GPC5: variants seen among roughly 807,000 people sequenced by gnomAD.
GPC5 encodes the protein glypican-5.
Under a neutral mutation model 53.9 loss-of-function variants are expected in GPC5, and 47 were observed. That is an observed-to-expected ratio of 0.87 (90% confidence interval 0.69 to 1.11). GPC5 has a LOEUF of 1.11. GPC5 is among the 50% of genes most tolerant of loss of function. GPC5 has a pLI of 0.00. For synonymous variants in GPC5, 286 were observed against 263.3 expected (o/e 1.09, Z -0.84); for missense variants, 748 against 713.1 (o/e 1.05, Z -0.56).
At chr13:92,618,715 T>C (rs1194507368) in intron 7 of GPC5, among the ~76,000 whole-genome samples, 2 of 145,612 alleles carry the variant, frequency 1.4e-5, no homozygotes, top group African/African-American at 5.0e-5. Flanking sequence ...GCACTGTGAC[T>C]AAATGAAGTT....
intron 7 of GPC5, among the ~76,000 whole-genome samples, chr13:92,569,591 A>G (rs1882960579): frequency 6.6e-6 from 1 of 152,124 alleles, no homozygotes; most frequent in Non-Finnish European, 1.5e-5. Context: ...ATAGCAAAGG[A>G]TGTCATCAAA....
chr13:92,604,162 C>T (rs2139085382), intron 7 of GPC5, among the ~76,000 whole-genome samples: 1 of 152,172 alleles, frequency 6.6e-6, no homozygotes, highest in Non-Finnish European at 1.5e-5. Flanking sequence ...CAATGTAAAT[C>T]AGTAACAAAA....
intron 1 of GPC5, among the ~76,000 whole-genome samples, chr13:91,404,134 T>A (rs556519487): frequency 6.6e-6 from 1 of 152,340 alleles, no homozygotes; most frequent in South Asian, 2.1e-4. Flanking sequence ...ATTTTTGGTG[T>A]GTACATGTAT....
At chr13:92,664,861 A>G (rs1186931389) in intron 7 of GPC5, among the ~76,000 whole-genome samples, 1 of 152,180 alleles carries the variant, frequency 6.6e-6, no homozygotes, top group Non-Finnish European at 1.5e-5. Context: ...GACTAGATAT[A>G]AAAATACTTA....
intron 7 of GPC5, among the ~76,000 whole-genome samples, chr13:92,469,806 A>G (rs1174488798): frequency 6.6e-6 from 1 of 152,164 alleles, no homozygotes; most frequent in Non-Finnish European, 1.5e-5. Flanking sequence ...CAATAAAAGT[A>G]GGGGTTCCCA....
intron 7 of GPC5, among the ~76,000 whole-genome samples, chr13:92,709,069 C>T (rs1888047243): frequency 6.7e-6 from 1 of 150,184 alleles, no homozygotes; most frequent in Admixed American, 6.7e-5. Context: ...GTTGTTGAGA[C>T]AGTGTTTCGC....
chr13:92,708,044 G>T (rs570495301), intron 7 of GPC5, among the ~76,000 whole-genome samples: 1 of 152,068 alleles, frequency 6.6e-6, no homozygotes, highest in African/African-American at 2.4e-5. Flanking sequence ...TCCAAAGATG[G>T]AATGAAGGCA....
At chr13:92,652,845 G>A (rs1886000992) in intron 7 of GPC5, among the ~76,000 whole-genome samples, 1 of 152,080 alleles carries the variant, frequency 6.6e-6, no homozygotes, top group African/African-American at 2.4e-5. Context: ...CCCTAAAAGA[G>A]TCTCAGTGTG....
At chr13:91,722,464 T>C (rs9560844) in intron 3 of GPC5, among the ~76,000 whole-genome samples, 33,319 of 152,144 alleles carry the variant, frequency 0.22, 3,683 homozygotes, top group East Asian at 0.34. Flanking sequence ...TTAATAATTA[T>C]GAATAGGAAT....
chr13:92,054,060 TA>T (rs2041053669), intron 6 of GPC5, among the ~76,000 whole-genome samples: 1 of 150,226 alleles, frequency 6.7e-6, no homozygotes. Flanking sequence ...AATAAATAAA[TA>T]AATAAATAAA....
At chr13:91,728,427 G>C (rs2036621077) in intron 3 of GPC5, 105 bp from the exon 4 acceptor site, 3 of 1,010,924 alleles carry the variant, frequency 3.0e-6, no homozygotes, top group Non-Finnish European at 4.3e-6. Context: ...TTAATATTGA[G>C]GTGAAAGCAA....
At chr13:91,983,414 G>A (rs897459296) in intron 6 of GPC5, among the ~76,000 whole-genome samples, 4 of 152,000 alleles carry the variant, frequency 2.6e-5, no homozygotes, top group South Asian at 2.1e-4. Context: ...TGTGGCAAGA[G>A]CTTCCTGGTC....
At position 91,693,498 on chromosome 13, in the gene GPC5, G is replaced by T; in HGVS notation, c.637G>T (p.Gly213Ter). The T allele has an allele frequency of 1.2e-6, 2 of 1,614,096 alleles. No individual in the cohort carries two copies. The highest frequency in any genetic ancestry group is 1.7e-6 in the Non-Finnish European group (2 of 1,180,018). ...PFGNIPQRVM[G>*]QMGRSLLPSR... ...TGGTAATATTCCCCAAAGAGTAATG[G>T]GACAGATGGGGAGGTCCCTGCTGCC... Residue 213 changes from glycine to a stop codon, truncating the protein, a stop_gained, in exon 3 of 8, where the codon GGA (glycine) becomes TGA (stop). Coordinates refer to ENST00000377067, the MANE Select transcript of GPC5 (RefSeq NM_004466.6). LOFTEE classifies it high-confidence loss of function.
At chr13:92,039,930 G>A (rs1003095981) in intron 6 of GPC5, among the ~76,000 whole-genome samples, 3 of 152,112 alleles carry the variant, frequency 2.0e-5, no homozygotes, top group Non-Finnish European at 4.4e-5. Flanking sequence ...CAACACGTGA[G>A]TTTTGAGGAA....
At position 92,555,080 on chromosome 13, in the gene GPC5, A is replaced by G. The variant is rs183478307; in HGVS notation, c.1562-311202A>G. Reference sequence around the variant, plus strand: ...AAAATTAGATTATGGTGGTATTTGCACAACTGTATTAATATATTAAAAATC... The same window carrying G: ...AAAATTAGATTATGGTGGTATTTGCGCAACTGTATTAATATATTAAAAATC... On this transcript the variant is annotated intron_variant, in intron 7 of 7. Transcript: ENST00000377067. 1.2e-3 allele frequency among the ~76,000 whole-genome samples: 189 copies of G among 151,556 alleles called. 1 individual carries two copies. The highest frequency in any genetic ancestry group is 4.4e-3 in the African/African-American group (184 of 41,456).
At chr13:91,504,487 T>A (rs1012000886) in intron 2 of GPC5, among the ~76,000 whole-genome samples, 21 of 152,074 alleles carry the variant, frequency 1.4e-4, no homozygotes, top group Non-Finnish European at 2.2e-4. Flanking sequence ...AATCAAATTA[T>A]TAGAAATAAT....
At chr13:92,273,686 A>G (rs887812018) in intron 7 of GPC5, among the ~76,000 whole-genome samples, 1 of 150,448 alleles carries the variant, frequency 6.6e-6, no homozygotes, top group Non-Finnish European at 1.5e-5. Flanking sequence ...GGAGTTTGCA[A>G]TAAAGAAACA....
chr13:91,400,626 T>A (rs1326868605), intron 1 of GPC5, among the ~76,000 whole-genome samples: 1 of 152,156 alleles, frequency 6.6e-6, no homozygotes, highest in African/African-American at 2.4e-5. Flanking sequence ...TGATGTGAGA[T>A]CTTTACCTGA....
intron 2 of GPC5, 72 bp downstream of exon 2, chr13:91,448,994 C>T: frequency 6.7e-7 from 1 of 1,482,786 alleles, no homozygotes; most frequent in East Asian, 2.3e-5. Context: ...GTTACGTTGG[C>T]AAACTTGGCT....
Sources: gnomAD v4.1 joint callset for allele counts (sites outside exome capture counted in the v4.1 genomes callset) on GRCh38, gnomAD v4.1.1 for gene constraint, MANE v1.5 for transcripts, NCBI Gene and HGNC (gene_info 2026-07-23, HGNC 2026-07-21) for gene names.